HMGXB3: variants seen among roughly 807,000 people sequenced by gnomAD.
HMGXB3 encodes the protein HMG domain-containing protein 3.
HMGXB3 carries 45 observed loss-of-function variants against 121.5 expected under a neutral mutation model. The ratio of observed to expected loss-of-function variants is 0.37; its 90% CI spans 0.29 to 0.47. The LOEUF is 0.47. Among genes scored for constraint, HMGXB3 ranks in the 20% least tolerant of loss-of-function variants. The pLI is 0.99. For synonymous variants in HMGXB3, 590 were observed against 624.1 expected, an observed-to-expected ratio of 0.95 and a Z score of 0.81; for missense variants, 1,376 against 1,602.2, an observed-to-expected ratio of 0.86 and a Z score of 2.41.
chr5:150,012,492 G>T (rs781602271), intron 5 of HMGXB3, 139 bp downstream of exon 5: 50 of 646,316 alleles, frequency 7.7e-5, no homozygotes, highest in Non-Finnish European at 1.2e-4. Flanking sequence ...ACCTCAGGAT[G>T]CGAGGACTGG....
chr5:150,052,572 T>C lies in HMGXB3; in HGVS notation c.*380T>C, dbSNP rs1339772776. 2 of 217,762 alleles carry C rather than the reference T, an allele frequency of 9.2e-6. No homozygotes were observed. The highest frequency in any genetic ancestry group is 2.3e-5 in the African/African-American group (1 of 44,192). The allele number at this position is 217,762 out of a possible 1,614,324, so 13.5% of individuals were successfully genotyped here. The stretch of plus-strand genomic sequence containing the variant: ...CCCCAGCACTAGGTGGGAAGGCTGC[T>C]GAGGTCTCTCCCACCCCTGAGGAGC... On this transcript the variant is annotated 3_prime_UTR_variant, in exon 20 of 20. Transcript: ENST00000502717.
intron 4 of HMGXB3, among the ~76,000 whole-genome samples, chr5:150,011,205 C>T (rs1259772655): frequency 6.6e-6 from 1 of 152,158 alleles, no homozygotes; most frequent in Non-Finnish European, 1.5e-5. Context: ...AAAAAGTTAT[C>T]TTCAAGGCCA....
chr5:150,006,655 AT>A lies in HMGXB3; in HGVS notation c.312+17del, dbSNP rs372448430. On this transcript the variant is annotated intron_variant, in intron 3 of 19. Transcript: ENST00000502717. ...AAGGAAGGTTTGGATCCTGTAAGTA[AT>A]TTTTTTTTCCAGCTATTTTTTCCAC... 28 of 1,543,410 alleles carry A rather than the reference AT, an allele frequency of 1.8e-5. No individual in the cohort carries two copies. Among genetic ancestry groups the A allele is most frequent in the South Asian group, 8.4e-5 (7 of 83,272 alleles).
chr5:150,011,607 T>G (rs934098181), intron 4 of HMGXB3, among the ~76,000 whole-genome samples: 5 of 148,794 alleles, frequency 3.4e-5, no homozygotes, highest in Non-Finnish European at 6.0e-5. Context: ...TTTTTTGGTT[T>G]TTTTTTTTTT....
At chr5:150,045,907 A>T (rs956807305) in intron 16 of HMGXB3, among the ~76,000 whole-genome samples, 1 of 152,232 alleles carries the variant, frequency 6.6e-6, no homozygotes, top group Admixed American at 6.5e-5. Flanking sequence ...AGGGGCGCAC[A>T]GCTCATTGTC....
At chr5:150,046,811 CA>C (rs1482684240) in intron 16 of HMGXB3, among the ~76,000 whole-genome samples, 1 of 151,400 alleles carries the variant, frequency 6.6e-6, no homozygotes, top group Non-Finnish European at 1.5e-5. Context: ...GACTCCGTCT[CA>C]AAATAAATAA....
Position 150,050,297 on chromosome 5 carries a change from G to T in HMGXB3, c.3247G>T (p.Asp1083Tyr). The change falls in exon 19 of 20, where the codon GAC (aspartate) becomes TAC (tyrosine). Residue 1083 changes from aspartate to tyrosine, a missense_variant. Asp to Tyr is a radical substitution (Grantham distance 160). This residue lies in a region of HMGXB3 where 1,116 missense variants were observed against 1,369.0 expected (regional missense o/e 0.82). Transcript: ENST00000502717. ...TCTTGTGCGAGGTGAGAGTGCCCGT[G>T]ACCATGTGGACCTGCTTGCCTCTTC... is the stretch of plus-strand genomic sequence containing the variant. ...KYLVRGESARDHVDLLASSRH... is the reference protein window; with the variant it reads ...KYLVRGESARYHVDLLASSRH... 6.4e-7 allele frequency: 1 copy of T among 1,551,788 alleles called. No individual in the cohort carries two copies. Among genetic ancestry groups the T allele is most frequent in the South Asian group, 1.2e-5 (1 of 84,028 alleles).
At position 150,052,259 on chromosome 5, in the gene HMGXB3, C is replaced by G. The variant is rs565122218; in HGVS notation, c.*67C>G. ...AGTAAGGCCCTTGCCTGAGGCAGAG[C>G]TATCCAGGGGACCTGCAGAAGTGGT... On this transcript the variant is annotated 3_prime_UTR_variant, in exon 20 of 20. Coordinates refer to ENST00000502717, the MANE Select transcript of HMGXB3 (RefSeq NM_014983.3). The G allele has an allele frequency of 1.1e-5, 14 of 1,289,580 alleles. No individual in the cohort carries two copies. The highest frequency in any genetic ancestry group is 1.3e-5 in the Non-Finnish European group (12 of 940,976). 79.9% of individuals were successfully genotyped at this position (1,289,580 alleles called of 1,614,324 possible).
rs766294433 is a variant in HMGXB3, at chr5:150,010,453, G to A, written c.655G>A (p.Ala219Thr). The A allele has an allele frequency of 1.2e-5, 19 of 1,551,432 alleles. No individual in the cohort carries two copies. In the African/African-American group the frequency reaches 1.6e-4, roughly 13 times the overall value. Residue 219 changes from alanine to threonine, a missense_variant, in exon 4 of 20, where the codon GCT (alanine) becomes ACT (threonine). Ala to Thr is a moderately conservative substitution (Grantham distance 58). This residue lies in a region of HMGXB3 where 1,116 missense variants were observed against 1,369.0 expected (regional missense o/e 0.82). Coordinates refer to ENST00000502717, the MANE Select transcript of HMGXB3 (RefSeq NM_014983.3). ...ILSQDVLLED[A>T]SLEVGESHQP... ...CAGCCAGGATGTGCTCCTAGAGGACGCTTCCCTAGAAGTAGGGGAGAGCCA... is the reference window on the plus strand; with the variant it reads ...CAGCCAGGATGTGCTCCTAGAGGACACTTCCCTAGAAGTAGGGGAGAGCCA...
In HMGXB3 at chr5:150,036,746, G is replaced by C; in HGVS notation, c.2094G>C (p.Gln698His). The C allele has an allele frequency of 6.4e-7, 1 of 1,551,736 alleles. No homozygotes were observed. The highest frequency in any genetic ancestry group is 8.7e-7 in the Non-Finnish European group (1 of 1,147,014). ...TGCAGCTGCTGCGCAAAGTCCTGCA[G>C]ATTCCTGAGAATGAGTCAGAGCTGG... is the stretch of plus-strand genomic sequence containing the variant. Reference protein sequence around the residue: ...STLQLLRKVLQIPENESELAE... With the variant: ...STLQLLRKVLHIPENESELAE... Residue 698 changes from glutamine to histidine, a missense_variant, in exon 12 of 20, where the codon CAG (glutamine) becomes CAC (histidine). Physicochemically the swap from Gln to His is conservative, Grantham distance 24 (BLOSUM62 0). Around this residue, in one of 2 missense-constraint regions of HMGXB3, gnomAD observed 1,116 missense variants for 1,369.0 expected, o/e 0.82. Coordinates refer to ENST00000502717, the MANE Select transcript of HMGXB3 (RefSeq NM_014983.3).
chr5:150,021,501 C>G (rs1756091885), intron 6 of HMGXB3: 2 of 292,544 alleles, frequency 6.8e-6, no homozygotes, highest in Non-Finnish European at 1.4e-5. Flanking sequence ...AATTCATAAA[C>G]TATCTTAAAA....
intron 5 of HMGXB3, among the ~76,000 whole-genome samples, chr5:150,013,024 C>A (rs1212508084): frequency 1.3e-5 from 2 of 152,200 alleles, no homozygotes; most frequent in Non-Finnish European, 2.9e-5. Context: ...CAAAGTTAAT[C>A]ATGCTGTCTA....
At chr5:150,014,074 T>C (rs762421278) in intron 5 of HMGXB3, among the ~76,000 whole-genome samples, 2 of 152,218 alleles carry the variant, frequency 1.3e-5, no homozygotes, top group Non-Finnish European at 1.5e-5. Context: ...TGTGGAAAAA[T>C]TCAGGGTGCT....
At chr5:150,043,398 G>A (rs1231604845) in intron 15 of HMGXB3, among the ~76,000 whole-genome samples, 1 of 152,202 alleles carries the variant, frequency 6.6e-6, no homozygotes, top group East Asian at 1.9e-4. Flanking sequence ...GTAAACAAGA[G>A]CCTGGGACAT....
Position 150,052,303 on chromosome 5 carries a change from C to CT in HMGXB3, c.*112dup. 1 of 860,900 alleles carries CT rather than the reference C, an allele frequency of 1.2e-6. No homozygotes were observed. The highest frequency in any genetic ancestry group is 1.8e-6 in the Non-Finnish European group (1 of 565,470). The allele number at this position is 860,900 out of a possible 1,614,324, so 53.3% of individuals were successfully genotyped here. Reference sequence around the variant, plus strand: ...AAGTGGTCTCCTGTGGGGAGGGCCTCTGACTGCTGGGACTGACCAAAGAGC... The same window carrying CT: ...AAGTGGTCTCCTGTGGGGAGGGCCTCTTGACTGCTGGGACTGACCAAAGAGC... On this transcript the variant is annotated 3_prime_UTR_variant, in exon 20 of 20. Coordinates refer to ENST00000502717, the MANE Select transcript of HMGXB3 (RefSeq NM_014983.3).
At chr5:150,045,840 CTAGAGTT>C (rs1756742815) in intron 16 of HMGXB3, among the ~76,000 whole-genome samples, 155 bp downstream of exon 16, 2 of 152,208 alleles carry the variant, frequency 1.3e-5, no homozygotes, top group African/African-American at 4.8e-5. Context: ...TCAAAATCCC[CTAGAGTT>C]TAAAGTTGTG....
At chr5:150,042,446 C>T (rs1756658532) in intron 15 of HMGXB3, among the ~76,000 whole-genome samples, 1 of 152,086 alleles carries the variant, frequency 6.6e-6, no homozygotes, top group Non-Finnish European at 1.5e-5. Flanking sequence ...GGGGGAAGGC[C>T]CCTCTGATAC....
rs1026336414 is a variant in HMGXB3 at position 150,052,133 on chromosome 5, A to C, written c.3820A>C (p.Ile1274Leu). 1 of 1,551,426 alleles carries C rather than the reference A, an allele frequency of 6.4e-7. No homozygotes were observed. Among genetic ancestry groups the C allele is most frequent in the Non-Finnish European group, 8.7e-7 (1 of 1,146,914 alleles). The change falls in exon 20 of 20, where the codon ATC becomes CTC. Residue 1274 changes from isoleucine (I) to leucine (L), a missense_variant. Transcript: ENST00000502717. ...DTLYRLGVAQ[I>L]KTETEEEGEE... ...CCTCTACCGCCTTGGGGTTGCTCAG[A>C]TCAAGACAGAGACAGAGGAGGAGGG...
chr5:150,036,534 C>A, intron 11 of HMGXB3, 102 bp from the exon 12 acceptor site: 1 of 1,077,786 alleles, frequency 9.3e-7, no homozygotes, highest in Non-Finnish European at 1.3e-6. Context: ...ACCTATCAGT[C>A]ATGGGCCCCA....
Sources: allele counts gnomAD v4.1 joint callset (sites outside exome capture counted in the v4.1 genomes callset), GRCh38; gene constraint gnomAD v4.1.1; regional missense constraint gnomAD v4.1.1; transcripts MANE v1.5; gene names NCBI Gene and HGNC (gene_info 2026-07-23, HGNC 2026-07-21).